SLC2A9: variants seen among roughly 807,000 people sequenced by gnomAD.
The protein encoded by SLC2A9 is solute carrier family 2, facilitated glucose transporter member 9.
In SLC2A9, 39 loss-of-function variants were observed where a neutral mutation model predicts 50.6. That is an observed-to-expected ratio of 0.77 (90% CI 0.60 to 1.01). The LOEUF is 1.01. Among genes scored for constraint, SLC2A9 ranks in the 50% least tolerant of loss-of-function variants. SLC2A9 has a pLI of 0.00. For synonymous variants in SLC2A9, 324 were observed against 276.9 expected (o/e 1.17, Z -1.69); for missense variants, 686 against 677.6 (o/e 1.01, Z -0.14).
At chr4:9,785,892 G>T (rs913470887) in intron 3 of SLC2A9, among the ~76,000 whole-genome samples, 7 of 152,222 alleles carry the variant, frequency 4.6e-5, no homozygotes, top group Non-Finnish European at 8.8e-5. Context: ...CCCAGGGTGA[G>T]TAGGGTGGTG....
intron 10 of SLC2A9, among the ~76,000 whole-genome samples, chr4:9,878,474 G>A (rs1182532321): frequency 1.3e-5 from 2 of 152,110 alleles, no homozygotes; most frequent in South Asian, 2.1e-4. Flanking sequence ...AAATGATGGG[G>A]TTGAGGTGTT....
chr4:10,019,928 G>A (rs1763294258), intron 1 of SLC2A9, among the ~76,000 whole-genome samples: 1 of 152,258 alleles, frequency 6.6e-6, no homozygotes, highest in South Asian at 2.1e-4. Flanking sequence ...GCTGGCATGA[G>A]CCAGGGCAGG....
intron 1 of SLC2A9, chr4:10,034,660 C>T (rs1349746496): frequency 6.6e-6 from 1 of 152,316 alleles, no homozygotes; most frequent in African/African-American, 2.4e-5. Context: ...TCTGTGTCCT[C>T]ATCTGTAAAC....
chr4:9,857,379 T>C (rs1730899215), intron 10 of SLC2A9, among the ~76,000 whole-genome samples: 4 of 152,226 alleles, frequency 2.6e-5, no homozygotes. Flanking sequence ...CCACAGTCCC[T>C]GGGCCAGACA....
At chr4:10,005,256 C>T (rs1222879206) in intron 2 of SLC2A9, among the ~76,000 whole-genome samples, 5 of 152,230 alleles carry the variant, frequency 3.3e-5, no homozygotes, top group East Asian at 1.9e-4. Context: ...GGCTCAGTTA[C>T]AGGACGACAG....
At chr4:9,929,760 GC>G (rs1204887971) in intron 6 of SLC2A9, among the ~76,000 whole-genome samples, 1 of 150,218 alleles carries the variant, frequency 6.7e-6, no homozygotes. Context: ...GTCCAGCAAT[GC>G]TTCCTGGAAG....
chr4:9,824,395 C>T (rs1278560195), downstream of SLC2A9, among the ~76,000 whole-genome samples: 1 of 152,092 alleles, frequency 6.6e-6, no homozygotes, highest in African/African-American at 2.4e-5. Context: ...TGAGAAATGG[C>T]TCTATGAGCT....
At chr4:9,772,524 CA>C (rs1459128198) in intron 1 of SLC2A9, among the ~76,000 whole-genome samples, 1 of 152,190 alleles carries the variant, frequency 6.6e-6, no homozygotes, top group Non-Finnish European at 1.5e-5. Flanking sequence ...GCATTGACCC[CA>C]CCCCTGCACA....
intron 5 of SLC2A9, among the ~76,000 whole-genome samples, chr4:9,952,201 T>G (rs914051752): frequency 6.6e-6 from 1 of 152,218 alleles, no homozygotes; most frequent in African/African-American, 2.4e-5. Flanking sequence ...GTGCTTGACA[T>G]AATTCGAATA....
At chr4:9,864,760 G>A (rs1237116256) in intron 10 of SLC2A9, among the ~76,000 whole-genome samples, 1 of 152,228 alleles carries the variant, frequency 6.6e-6, no homozygotes, top group Non-Finnish European at 1.5e-5. Flanking sequence ...TGTATACTTA[G>A]AGCATAAAGG....
intron 3 of SLC2A9, among the ~76,000 whole-genome samples, chr4:9,992,390 T>C (rs1452435346): frequency 6.6e-6 from 1 of 152,252 alleles, no homozygotes; most frequent in East Asian, 1.9e-4. Context: ...GGTTGTCCCG[T>C]GCATTGTAGG....
At chr4:9,852,134 C>T (rs1041203880) in intron 10 of SLC2A9, among the ~76,000 whole-genome samples, 2 of 152,114 alleles carry the variant, frequency 1.3e-5, no homozygotes, top group African/African-American at 2.4e-5. Context: ...ATGTTAAAGG[C>T]AGCTAGAGAG....
At chr4:9,781,537 G>T (rs1225411257) in intron 3 of SLC2A9, 2 of 153,552 alleles carry the variant, frequency 1.3e-5, no homozygotes, top group African/African-American at 2.4e-5. Context: ...GGCGGTGAGC[G>T]AGGGCGCCAA....
At chr4:9,806,480 G>C (rs1004800039) in intron 3 of SLC2A9, among the ~76,000 whole-genome samples, 4 of 150,556 alleles carry the variant, frequency 2.7e-5, no homozygotes, top group African/African-American at 1.0e-4. Context: ...GTAAATCTCT[G>C]TTCGGGGCTG....
chr4:9,903,211 C>T (rs112848581), intron 8 of SLC2A9, among the ~76,000 whole-genome samples: 35 of 151,808 alleles, frequency 2.3e-4, no homozygotes, highest in Admixed American at 7.9e-4. Context: ...CTGAAATTGT[C>T]GAATTTATTG....
chr4:9,775,851 A>C (rs528597708), downstream of SLC2A9, among the ~76,000 whole-genome samples: 37 of 152,298 alleles, frequency 2.4e-4, no homozygotes, highest in South Asian at 4.1e-4. Context: ...ATGGCCTAAT[A>C]CACCATCTTT....
chr4:10,010,480 C>T (rs1430295782), intron 2 of SLC2A9, among the ~76,000 whole-genome samples: 4 of 152,176 alleles, frequency 2.6e-5, no homozygotes, highest in Non-Finnish European at 5.9e-5. Context: ...CTGAGCCTGT[C>T]GCTGGTGTCT....
At chr4:10,007,030 C>T (rs74606663) in intron 2 of SLC2A9, among the ~76,000 whole-genome samples, 1,768 of 152,286 alleles carry the variant, frequency 0.012, 38 homozygotes, top group African/African-American at 0.039. Flanking sequence ...GAGCTTGCCC[C>T]TGGTTTCCTC....
intron 6 of SLC2A9, among the ~76,000 whole-genome samples, chr4:9,938,114 A>G (rs1213130152): frequency 6.6e-6 from 1 of 152,104 alleles, no homozygotes; most frequent in Non-Finnish European, 1.5e-5. Flanking sequence ...TTGGGATATC[A>G]TTTTCAGTTT....
Sources: gnomAD v4.1 joint callset for allele counts (sites outside exome capture counted in the v4.1 genomes callset) on GRCh38, gnomAD v4.1.1 for gene constraint, MANE v1.5 for transcripts, NCBI Gene and HGNC (gene_info 2026-07-23, HGNC 2026-07-21) for gene names.